Variants in DYM observed in about 807,000 individuals in gnomAD.
The protein encoded by DYM is dymeclin.
Under a neutral mutation model 93.1 loss-of-function variants are expected in DYM, and 78 were observed. The observed-to-expected ratio is 0.84, with a 90% CI of 0.70 to 1.01. The LOEUF is 1.01. Among genes scored for constraint, DYM ranks in the 50% least tolerant of loss-of-function variants. The pLI is 0.00. For synonymous variants in DYM, 321 were observed against 319.7 expected (o/e 1.00, Z -0.04); for missense variants, 789 against 845.0 (o/e 0.93, Z 0.82).
In DYM at chr18:49,188,327, T is replaced by A. The variant is rs186297445; in HGVS notation, c.1625+21224A>T. ...GGGGTCCTGGTTCTGTCCATTTTGT[T>A]TTATGAGGCCCATCACAGCTAGACA... On this transcript the variant is annotated intron_variant, in intron 14 of 17. Coordinates refer to ENST00000675505, the MANE Select transcript of DYM (RefSeq NM_001353214.3). Among the ~76,000 whole-genome samples, 198 of 152,290 alleles carry A rather than the reference T, an allele frequency of 1.3e-3. 1 individual carries two copies. Among genetic ancestry groups the A allele is most frequent in the Non-Finnish European group, 3.2e-4 (22 of 68,022 alleles).
At chr18:49,065,641 C>A (rs1046956022) in intron 17 of DYM, among the ~76,000 whole-genome samples, 5 of 152,032 alleles carry the variant, frequency 3.3e-5, no homozygotes. Context: ...GGATTACAGG[C>A]ATGAGCCACT....
intron 6 of DYM, 22 bp from the exon 7 acceptor site, chr18:49,333,875 G>GT: frequency 6.3e-7 from 1 of 1,596,856 alleles, no homozygotes; most frequent in Non-Finnish European, 8.6e-7. Context: ...GAAAAACAGA[G>GT]TAACAGTCAC....
At chr18:49,438,887 C>T (rs2081083520) in intron 1 of DYM, among the ~76,000 whole-genome samples, 7 of 152,198 alleles carry the variant, frequency 4.6e-5, no homozygotes, top group Admixed American at 4.6e-4. Flanking sequence ...CACGCACAAT[C>T]GTCGGCTCCC....
intron 15 of DYM, among the ~76,000 whole-genome samples, chr18:49,155,595 T>C (rs1281269313): frequency 6.6e-6 from 1 of 152,240 alleles, no homozygotes; most frequent in South Asian, 2.1e-4. Flanking sequence ...TCTATAAGAT[T>C]TGCCTATTCT....
intron 16 of DYM, among the ~76,000 whole-genome samples, chr18:49,104,617 T>C (rs1319238580): frequency 6.6e-6 from 1 of 152,240 alleles, no homozygotes; most frequent in Non-Finnish European, 1.5e-5. Context: ...GTTTTTAGCA[T>C]GAAGTGTTGT....
At chr18:49,305,515 T>A (rs2061223812) in intron 8 of DYM, among the ~76,000 whole-genome samples, 1 of 151,176 alleles carries the variant, frequency 6.6e-6, no homozygotes, top group African/African-American at 2.4e-5. Flanking sequence ...AACTACCTTG[T>A]CTTTCCACCT....
At chr18:49,409,415 G>A (rs1023184507) in intron 2 of DYM, among the ~76,000 whole-genome samples, 1 of 152,078 alleles carries the variant, frequency 6.6e-6, no homozygotes, top group African/African-American at 2.4e-5. Context: ...GCTTCCAAAT[G>A]TCATGAGCCA....
At chr18:49,198,541 A>T (rs141620083) in intron 14 of DYM, among the ~76,000 whole-genome samples, 1 of 151,828 alleles carries the variant, frequency 6.6e-6, no homozygotes, top group African/African-American at 2.4e-5. Context: ...ACAAGAAAAA[A>T]ACAACCCCAT....
At chr18:49,234,964 G>A (rs1418757572) in intron 13 of DYM, among the ~76,000 whole-genome samples, 1 of 152,124 alleles carries the variant, frequency 6.6e-6, no homozygotes, top group African/African-American at 2.4e-5. Context: ...AAGGCAAGGG[G>A]GAACTCAGTT....
At chr18:49,232,794 AGACCGG>A (rs2093743188) in intron 13 of DYM, among the ~76,000 whole-genome samples, 2 of 151,422 alleles carry the variant, frequency 1.3e-5, no homozygotes, top group Non-Finnish European at 2.9e-5. Flanking sequence ...TTTTTAGTAG[AGACCGG>A]GTTTCACCAC....
intron 14 of DYM, among the ~76,000 whole-genome samples, chr18:49,172,299 G>C (rs748519401): frequency 1.3e-5 from 2 of 152,166 alleles, no homozygotes; most frequent in Admixed American, 1.3e-4. Flanking sequence ...GAAGGCTGCT[G>C]TAAACAGTTG....
intron 2 of DYM, among the ~76,000 whole-genome samples, chr18:49,419,158 C>A (rs866852210): frequency 6.6e-6 from 1 of 151,964 alleles, no homozygotes; most frequent in African/African-American, 2.4e-5. Context: ...GTCAGGAGTT[C>A]AAGACCAGCC....
At chr18:49,097,359 G>C in intron 17 of DYM, 43 bp downstream of exon 17, 1 of 1,557,480 alleles carries the variant, frequency 6.4e-7, no homozygotes. Flanking sequence ...TTTACATCAA[G>C]GGACACGGCA....
At chr18:49,364,371 G>C (rs1366804449) in intron 5 of DYM, among the ~76,000 whole-genome samples, 1 of 152,062 alleles carries the variant, frequency 6.6e-6, no homozygotes, top group Non-Finnish European at 1.5e-5. Flanking sequence ...CTTGAACCCG[G>C]GAGGAAGAGG....
At chr18:49,331,773 A>T in intron 8 of DYM, 91 bp downstream of exon 8, 1 of 1,367,434 alleles carries the variant, frequency 7.3e-7, no homozygotes, top group Non-Finnish European at 1.0e-6. Context: ...TGTAACTATT[A>T]ATGGTGGCAG....
At chr18:49,234,130 A>AAACAACAAC (rs371998809) in intron 13 of DYM, among the ~76,000 whole-genome samples, 14 of 151,672 alleles carry the variant, frequency 9.2e-5, no homozygotes, top group African/African-American at 3.1e-4. Flanking sequence ...CTCCACCTCA[A>AAACAACAAC]AACAACAACA....
At chr18:49,331,827 G>A in intron 8 of DYM, 37 bp downstream of exon 8, 2 of 1,612,254 alleles carry the variant, frequency 1.2e-6, no homozygotes, top group Non-Finnish European at 1.7e-6. Flanking sequence ...TAAAATTTAT[G>A]TGCACCAAAG....
chr18:49,272,006 GA>G (rs33965129), intron 11 of DYM, among the ~76,000 whole-genome samples, 171 bp downstream of exon 11: 13 of 134,546 alleles, frequency 9.7e-5, no homozygotes, highest in Non-Finnish European at 1.1e-4. Flanking sequence ...AGTCATTCTG[GA>G]AAAAAAAAAA....
chr18:49,448,130 G>A (rs1305620113), intron 1 of DYM, among the ~76,000 whole-genome samples: 1 of 152,084 alleles, frequency 6.6e-6, no homozygotes, highest in Non-Finnish European at 1.5e-5. Flanking sequence ...CTTTATGCTG[G>A]TTCTGTAAAT....
Sources: allele counts gnomAD v4.1 joint callset (sites outside exome capture counted in the v4.1 genomes callset), GRCh38; gene constraint gnomAD v4.1.1; transcripts MANE v1.5; gene names NCBI Gene and HGNC (gene_info 2026-07-23, HGNC 2026-07-21).